The following PTER variants were observed in gnomAD, a reference collection of about 807,000 sequenced individuals.
PTER encodes the protein phosphotriesterase related.
PTER carries 38 observed loss-of-function variants against 29.6 expected under a neutral mutation model. The ratio of observed to expected loss-of-function variants is 1.28; its 90% confidence interval spans 0.99 to 1.68. PTER has a LOEUF of 1.68. PTER is among the 40% of genes most tolerant of loss of function. The pLI is 0.00. For synonymous variants in PTER, 172 were observed against 154.5 expected, an observed-to-expected ratio of 1.11 and a Z score of -0.84; for missense variants, 482 against 427.8, an observed-to-expected ratio of 1.13 and a Z score of -1.12.
At chr10:16,447,134 T>C (rs1834043918) in intron 1 of PTER, among the ~76,000 whole-genome samples, 1 of 142,562 alleles carries the variant, frequency 7.0e-6, no homozygotes, top group South Asian at 2.4e-4. Flanking sequence ...AGAGTCTTGC[T>C]CTCTTGCCCA....
At chr10:16,516,954 G>A (rs1424334230), downstream of PTER, among the ~76,000 whole-genome samples, 4 of 152,170 alleles carry the variant, frequency 2.6e-5, no homozygotes, top group East Asian at 7.7e-4. Flanking sequence ...CAGTGTACCT[G>A]GCATGATTTT....
intron 1 of PTER, among the ~76,000 whole-genome samples, chr10:16,476,995 T>A (rs955292858): frequency 6.6e-6 from 1 of 151,144 alleles, no homozygotes; most frequent in African/African-American, 2.4e-5. Flanking sequence ...AGCCTCTGGC[T>A]TCCAGGCTCA....
chr10:16,516,896 A>C (rs750263664), downstream of PTER, among the ~76,000 whole-genome samples: 1 of 152,160 alleles, frequency 6.6e-6, no homozygotes, highest in Non-Finnish European at 1.5e-5. Context: ...TAAGATTTTA[A>C]CCTATACTGT....
At chr10:16,458,035 C>T (rs1216535142) in intron 1 of PTER, among the ~76,000 whole-genome samples, 1 of 152,164 alleles carries the variant, frequency 6.6e-6, no homozygotes, top group Non-Finnish European at 1.5e-5. Context: ...TTTTCTGTCT[C>T]TAAGGTAGAG....
chr10:16,445,216 G>GTTTTAATA (rs1833974416), intron 1 of PTER, among the ~76,000 whole-genome samples: 1 of 152,202 alleles, frequency 6.6e-6, no homozygotes, highest in Non-Finnish European at 1.5e-5. Context: ...ACAATATTAA[G>GTTTTAATA]TCGAGTATGG....
At position 16,450,757 on chromosome 10, in the gene PTER, C is replaced by T. The variant is rs1234480042; in HGVS notation, c.-49+13710C>T. On this transcript the variant is annotated intron_variant, in intron 1 of 4. Coordinates refer to ENST00000535784, the MANE Select transcript of PTER (RefSeq NM_001261836.2). ...TGAACTCATCCTTTGCTTTCATTAC[C>T]TTGTCCAGCGAACTAAGTAGCAACC... Among the ~76,000 whole-genome samples, 3 of 152,200 alleles carry T rather than the reference C, an allele frequency of 2.0e-5. No individual in the cohort carries two copies. The East Asian group carries it at 5.8e-4, about 29-fold the overall frequency.
intron 4 of PTER, among the ~76,000 whole-genome samples, chr10:16,507,692 G>A (rs1836630066): frequency 6.6e-6 from 1 of 152,200 alleles, no homozygotes; most frequent in South Asian, 2.1e-4. Context: ...TAGTTAATCA[G>A]TGTTGCATTA....
At chr10:16,453,106 G>T (rs867016707) in intron 1 of PTER, among the ~76,000 whole-genome samples, 4 of 151,982 alleles carry the variant, frequency 2.6e-5, no homozygotes, top group African/African-American at 9.7e-5. Flanking sequence ...TGTCCAGGTG[G>T]GGTCTCACTG....
intron 3 of PTER, among the ~76,000 whole-genome samples, chr10:16,495,309 T>A (rs1253702823): frequency 9.2e-5 from 14 of 152,142 alleles, no homozygotes; most frequent in Non-Finnish European, 4.4e-5. Flanking sequence ...TAGCTGAGAT[T>A]ACAAGCGTGC....
At chr10:16,475,625 A>T (rs1314103579) in intron 1 of PTER, among the ~76,000 whole-genome samples, 3 of 152,134 alleles carry the variant, frequency 2.0e-5, no homozygotes, top group Admixed American at 1.3e-4. Flanking sequence ...CTACACAAGG[A>T]TTTGAGTATT....
chr10:16,514,229 A>G (rs1202517019), downstream of PTER: 4 of 431,332 alleles, frequency 9.3e-6, no homozygotes, highest in South Asian at 8.3e-5. Flanking sequence ...AAATAATTCA[A>G]TGTCTTAGAT....
At chr10:16,449,012 T>C (rs1297382743) in intron 1 of PTER, among the ~76,000 whole-genome samples, 4 of 152,208 alleles carry the variant, frequency 2.6e-5, no homozygotes, top group African/African-American at 7.2e-5. Context: ...CCACTGTCAT[T>C]CTCTAAGATC....
chr10:16,451,691 AAC>A (rs1478578210), intron 1 of PTER, among the ~76,000 whole-genome samples: 1 of 152,188 alleles, frequency 6.6e-6, no homozygotes, highest in Non-Finnish European at 1.5e-5. Context: ...CAGCCTGCAC[AAC>A]AGAGTGAGAC....
chr10:16,453,706 T>G (rs1176468811), intron 1 of PTER, among the ~76,000 whole-genome samples: 2 of 152,146 alleles, frequency 1.3e-5, no homozygotes, highest in Non-Finnish European at 2.9e-5. Flanking sequence ...TCAGAAAAAA[T>G]TCATATAAAG....
chr10:16,517,762 T>C (rs891271479), downstream of PTER, among the ~76,000 whole-genome samples: 1 of 152,206 alleles, frequency 6.6e-6, no homozygotes, highest in Non-Finnish European at 1.5e-5. Flanking sequence ...GATCTATCAT[T>C]AGAGATCATA....
chr10:16,472,304 C>A (rs1328941723), intron 1 of PTER, among the ~76,000 whole-genome samples: 1 of 152,112 alleles, frequency 6.6e-6, no homozygotes, highest in East Asian at 1.9e-4. Context: ...ATCATGTATG[C>A]CTCATACGGA....
chr10:16,454,005 T>C (rs944119816), intron 1 of PTER, among the ~76,000 whole-genome samples: 28 of 152,332 alleles, frequency 1.8e-4, no homozygotes, highest in African/African-American at 6.3e-4. Context: ...ATATCAGCTG[T>C]GTCACATTTA....
Position 16,503,669 on chromosome 10 carries a change from G to GTGCTGGGATTA in PTER, c.699-1350_699-1340dup, listed in dbSNP as rs552361032. Reference sequence around the variant, plus strand: ...GATCCACCCACCTCAGCCTCCCAAAGTGCTGGGATTACAGGTGTGAGCCAC... The same window carrying GTGCTGGGATTA: ...GATCCACCCACCTCAGCCTCCCAAAGTGCTGGGATTATGCTGGGATTACAGGTGTGAGCCAC... On this transcript the variant is annotated intron_variant, in intron 3 of 4. Transcript: ENST00000535784. Among the ~76,000 whole-genome samples, 287 of 152,030 alleles carry GTGCTGGGATTA rather than the reference G, an allele frequency of 1.9e-3. 2 individuals are homozygous for GTGCTGGGATTA. Among genetic ancestry groups the GTGCTGGGATTA allele is most frequent in the African/African-American group, 6.4e-3 (267 of 41,458 alleles).
intron 3 of PTER, among the ~76,000 whole-genome samples, chr10:16,501,140 A>G (rs984866676): frequency 3.3e-5 from 5 of 151,970 alleles, no homozygotes; most frequent in Non-Finnish European, 7.4e-5. Context: ...CATGTTGGCC[A>G]GGCTGGTCTT....
Sources: gnomAD v4.1 joint callset for allele counts (sites outside exome capture counted in the v4.1 genomes callset) on GRCh38, gnomAD v4.1.1 for gene constraint, MANE v1.5 for transcripts, NCBI Gene and HGNC (gene_info 2026-07-23, HGNC 2026-07-21) for gene names.